Variants in RNF150 observed in about 807,000 individuals in gnomAD.
RNF150 encodes the protein ring finger protein 150.
Under a neutral mutation model 39.3 loss-of-function variants are expected in RNF150, and 24 were observed. The ratio of observed to expected loss-of-function variants is 0.61; its 90% CI spans 0.44 to 0.86. RNF150 has a LOEUF of 0.86. Ranked by LOEUF, RNF150 falls within the 40% of genes least tolerant of loss-of-function variation. The probability of loss-of-function intolerance (pLI) is 0.00; values close to 1 mark genes in which losing one functional copy is unlikely to be tolerated. For synonymous variants in RNF150, 255 were observed against 227.3 expected (o/e 1.12, Z -1.10); for missense variants, 502 against 587.8 (o/e 0.85, Z 1.51).
intron 1 of RNF150, among the ~76,000 whole-genome samples, chr4:141,029,773 T>C (rs1005875986): frequency 1.3e-5 from 2 of 152,182 alleles, no homozygotes; most frequent in Admixed American, 6.5e-5. Context: ...AAATCATATA[T>C]TGGATAAGGG....
intron 1 of RNF150, among the ~76,000 whole-genome samples, chr4:141,047,344 G>A (rs932173920): frequency 1.3e-5 from 2 of 152,052 alleles, no homozygotes; most frequent in Non-Finnish European, 2.9e-5. Flanking sequence ...CACAATCCTC[G>A]CTGTCAACAG....
At chr4:141,209,301 AC>A (rs1166954352) in intron 1 of RNF150, among the ~76,000 whole-genome samples, 2 of 152,140 alleles carry the variant, frequency 1.3e-5, no homozygotes, top group Non-Finnish European at 2.9e-5. Context: ...TGCTATATGT[AC>A]ATGCTATTCT....
At chr4:140,903,633 G>A (rs780968790) in intron 6 of RNF150, among the ~76,000 whole-genome samples, 7 of 152,186 alleles carry the variant, frequency 4.6e-5, no homozygotes, top group Non-Finnish European at 8.8e-5. Flanking sequence ...GGCTTATGCT[G>A]GTAACAGTTG....
chr4:140,982,607 G>C (rs1733896872), intron 1 of RNF150, among the ~76,000 whole-genome samples: 1 of 148,688 alleles, frequency 6.7e-6, no homozygotes, highest in South Asian at 2.1e-4. Flanking sequence ...TCCTCATCCT[G>C]TCCAGCTTCT....
intron 1 of RNF150, among the ~76,000 whole-genome samples, chr4:140,992,451 T>C (rs151221280): frequency 0.01 from 1,527 of 152,062 alleles, 13 homozygotes; most frequent in Non-Finnish European, 0.017. Flanking sequence ...TAAAACAGAA[T>C]GTTGAACAGT....
intron 1 of RNF150, among the ~76,000 whole-genome samples, chr4:141,067,992 C>A (rs574819204): frequency 6.6e-6 from 1 of 151,490 alleles, no homozygotes; most frequent in East Asian, 1.9e-4. Flanking sequence ...GTCACCCAGG[C>A]TGGAGTGCAG....
intron 4 of RNF150, among the ~76,000 whole-genome samples, chr4:140,933,905 C>G (rs753752234): frequency 2.0e-5 from 3 of 152,160 alleles, no homozygotes; most frequent in Non-Finnish European, 4.4e-5. Flanking sequence ...ATCCTCAATC[C>G]CACTGACCTA....
At chr4:140,921,903 T>G (rs1183020231) in intron 5 of RNF150, among the ~76,000 whole-genome samples, 5 of 151,950 alleles carry the variant, frequency 3.3e-5, no homozygotes, top group African/African-American at 1.2e-4. Context: ...AAAAGGCCTT[T>G]GACAAAATTC....
chr4:141,003,397 T>C (rs1000622326), intron 1 of RNF150, among the ~76,000 whole-genome samples: 2 of 152,182 alleles, frequency 1.3e-5, no homozygotes, highest in African/African-American at 4.8e-5. Flanking sequence ...AACTTCAGAC[T>C]GTTTGCCAAA....
chr4:141,093,334 C>G (rs963652305), intron 1 of RNF150, among the ~76,000 whole-genome samples: 1 of 148,964 alleles, frequency 6.7e-6, no homozygotes, highest in African/African-American at 2.5e-5. Context: ...CCACTGCACT[C>G]CAGCTGGGGC....
intron 5 of RNF150, among the ~76,000 whole-genome samples, chr4:140,925,209 GC>G (rs756815533): frequency 1.0e-3 from 157 of 152,254 alleles, no homozygotes; most frequent in Admixed American, 2.0e-3. Flanking sequence ...GGCCTGCCTT[GC>G]TTCCTGCCCT....
intron 1 of RNF150, among the ~76,000 whole-genome samples, chr4:141,087,472 C>T (rs1305041416): frequency 6.6e-6 from 1 of 152,184 alleles, no homozygotes; most frequent in African/African-American, 2.4e-5. Flanking sequence ...CCTACTTTCA[C>T]CTTACATCTC....
intron 1 of RNF150, among the ~76,000 whole-genome samples, chr4:140,982,230 T>C (rs556126535): frequency 6.6e-6 from 1 of 152,264 alleles, no homozygotes; most frequent in East Asian, 1.9e-4. Context: ...CATCATCTTT[T>C]TCTCACGACA....
At chr4:140,987,295 G>A (rs1398052519) in intron 1 of RNF150, among the ~76,000 whole-genome samples, 1 of 151,934 alleles carries the variant, frequency 6.6e-6, no homozygotes, top group Non-Finnish European at 1.5e-5. Context: ...CCAAAAAAGA[G>A]CCCAAATAGT....
At chr4:141,078,717 G>A (rs1738011401) in intron 1 of RNF150, among the ~76,000 whole-genome samples, 1 of 148,158 alleles carries the variant, frequency 6.7e-6, no homozygotes, top group Non-Finnish European at 1.5e-5. Context: ...GTGAACCCAG[G>A]CGGTGGAGCT....
chr4:141,197,879 A>G (rs1490903782), intron 1 of RNF150, among the ~76,000 whole-genome samples: 1 of 151,026 alleles, frequency 6.6e-6, no homozygotes, highest in African/African-American at 2.4e-5. Context: ...TTCTGTCTCA[A>G]AAAAAAAATA....
At chr4:141,085,409 G>C (rs529841435) in intron 1 of RNF150, among the ~76,000 whole-genome samples, 31 of 152,292 alleles carry the variant, frequency 2.0e-4, no homozygotes, top group African/African-American at 6.3e-4. Context: ...ATGCTCTAAG[G>C]AATTCCAAAC....
In RNF150 at chr4:141,054,239, T is replaced by G. The variant is rs1166321275; in HGVS notation, c.484+78086A>C. Among the ~76,000 whole-genome samples, 4 of 152,306 alleles carry G rather than the reference T, an allele frequency of 2.6e-5. 1 individual carries two copies. Among genetic ancestry groups the G allele is most frequent in the South Asian group, 4.1e-4 (2 of 4,832 alleles). On this transcript the variant is annotated intron_variant, in intron 1 of 6. Transcript: ENST00000515673. ...TATCGCTAGTACTTAAATGTCTGCATAATAGTTCATCAAGTTGATGCCTCA... is the reference window on the plus strand; with the variant it reads ...TATCGCTAGTACTTAAATGTCTGCAGAATAGTTCATCAAGTTGATGCCTCA...
intron 1 of RNF150, among the ~76,000 whole-genome samples, chr4:140,996,150 C>T (rs1285315431): frequency 1.3e-5 from 2 of 152,122 alleles, no homozygotes; most frequent in Non-Finnish European, 2.9e-5. Flanking sequence ...TATTGCTTGT[C>T]TTTTGGATAG....
Sources: gnomAD v4.1 joint callset for allele counts (sites outside exome capture counted in the v4.1 genomes callset) on GRCh38, gnomAD v4.1.1 for gene constraint, MANE v1.5 for transcripts, NCBI Gene and HGNC (gene_info 2026-07-23, HGNC 2026-07-21) for gene names.